KIRREL3: variants seen among roughly 807,000 people sequenced by gnomAD.
The protein encoded by KIRREL3 is kirre like nephrin family adhesion molecule 3.
In KIRREL3, 36 loss-of-function variants were observed where a neutral mutation model predicts 89.7. That is an observed-to-expected ratio of 0.40 (90% confidence interval 0.31 to 0.53). The LOEUF (loss-of-function observed/expected upper bound fraction) is 0.53. KIRREL3 is among the 20% of genes least tolerant of loss of function. KIRREL3 has a pLI of 0.49. For missense variants in KIRREL3, 864 were observed against 1,056.6 expected (o/e 0.82, Z 2.53); for synonymous variants, 445 against 441.4 (o/e 1.01, Z -0.10).
chr11:126,611,555 C>T lies in KIRREL3; in HGVS notation c.56-48643G>A, dbSNP rs922120942. Among the ~76,000 whole-genome samples the T allele has an allele frequency of 3.9e-5, 6 of 152,320 alleles. No homozygotes were observed. The highest frequency in any genetic ancestry group is 1.4e-4 in the African/African-American group (6 of 41,578). ...TGTTTTCCACTTGCTTAGTTTCCTA[C>T]TCTTCCCTTTATCCTGAGGTGTCGT... On this transcript the variant is annotated intron_variant, in intron 1 of 16. Transcript: ENST00000525144. The surrounding 1 kb of genome is among the most constrained non-coding windows in gnomAD (Gnocchi z 4.7).
chr11:126,533,845 T>C (rs1421781239), intron 2 of KIRREL3, among the ~76,000 whole-genome samples: 1 of 152,176 alleles, frequency 6.6e-6, no homozygotes, highest in Non-Finnish European at 1.5e-5. Flanking sequence ...CTGGGCCACT[T>C]GACTCCGGGG....
chr11:126,968,401 C>T (rs544870763), intron 1 of KIRREL3, among the ~76,000 whole-genome samples: 28 of 152,098 alleles, frequency 1.8e-4, no homozygotes, highest in Non-Finnish European at 3.2e-4. Context: ...TGTATCAGGA[C>T]GGAGAAGAGC....
In KIRREL3 at chr11:126,574,702, A is replaced by G. The variant is rs967117390; in HGVS notation, c.56-11790T>C. Among the ~76,000 whole-genome samples, 29 of 152,158 alleles carry G rather than the reference A, an allele frequency of 1.9e-4. No homozygotes were observed. The highest frequency in any genetic ancestry group is 3.2e-3 in the Middle Eastern group (1 of 316). ...TTACATGTGTGCACGCATTTGGAGA[A>G]AGGGAAGGAATTCCAGACTTGAGAT... On this transcript the variant is annotated intron_variant, in intron 1 of 16. Coordinates refer to ENST00000525144, the MANE Select transcript of KIRREL3 (RefSeq NM_032531.4). This position sits in a 1 kb window ranked among gnomAD's most constrained non-coding sequence, Gnocchi z 5.3.
In KIRREL3 at chr11:126,491,937, A is replaced by G. The variant is rs1957527973; in HGVS notation, c.434-18471T>C. Among the ~76,000 whole-genome samples the G allele has an allele frequency of 6.6e-6, 1 of 152,018 alleles. No homozygotes were observed. The highest frequency in any genetic ancestry group is 2.4e-5 in the African/African-American group (1 of 41,388). On this transcript the variant is annotated intron_variant, in intron 4 of 16. Transcript: ENST00000525144. This position sits in a 1 kb window ranked among gnomAD's most constrained non-coding sequence, Gnocchi z 5.5. The stretch of plus-strand genomic sequence containing the variant: ...GGCTGGTCTCGAACTCCAGACCTCA[A>G]GTGATCCTCCCGCATCAGCTTCCCA...
At chr11:126,654,671 C>T (rs1388414276) in intron 1 of KIRREL3, among the ~76,000 whole-genome samples, 1 of 152,162 alleles carries the variant, frequency 6.6e-6, no homozygotes, top group Admixed American at 6.5e-5. Context: ...CATCCTGAGC[C>T]CTCTCCACAT....
rs146725674 is a variant in KIRREL3 at position 126,988,142 on chromosome 11, C to T, written c.55+12313G>A. Among the ~76,000 whole-genome samples, 239 of 152,282 alleles carry T rather than the reference C, an allele frequency of 1.6e-3. 1 individual carries two copies. In the Middle Eastern group the frequency reaches 0.027, roughly 17 times the overall value. Reference sequence around the variant, plus strand: ...CTTCCAGCACACAGCTACCACAAGGCTCAACTCTCCCTAAGCAGAATGGGA... The same window carrying T: ...CTTCCAGCACACAGCTACCACAAGGTTCAACTCTCCCTAAGCAGAATGGGA... On this transcript the variant is annotated intron_variant, in intron 1 of 16. Transcript: ENST00000525144.
Position 127,000,332 on chromosome 11 carries a change from G to T in KIRREL3, c.55+123C>A. 1.4e-6 allele frequency: 1 copy of T among 711,220 alleles called. No individual in the cohort carries two copies. Among genetic ancestry groups the T allele is most frequent in the Non-Finnish European group, 2.3e-6 (1 of 429,764 alleles). 44.1% of individuals were successfully genotyped at this position (711,220 alleles called of 1,614,324 possible). A position where few individuals can be genotyped will look rare whatever the true frequency, so the allele number is the denominator to read the frequency against. On this transcript the variant is annotated intron_variant, in intron 1 of 16. Coordinates refer to ENST00000525144, the MANE Select transcript of KIRREL3 (RefSeq NM_032531.4). This position sits in a 1 kb window ranked among gnomAD's most constrained non-coding sequence, Gnocchi z 7.1. ...AGGCAATGCCAGAGCATCTCAGCCC[G>T]GCACCGAGAGACGCATCCATCAGTC...
In KIRREL3 at chr11:126,582,198, G is replaced by T. The variant is rs146441467; in HGVS notation, c.56-19286C>A. On this transcript the variant is annotated intron_variant, in intron 1 of 16. Coordinates refer to ENST00000525144, the MANE Select transcript of KIRREL3 (RefSeq NM_032531.4). Reference sequence around the variant, plus strand: ...GGGCTTTTGTCTTCTCATCTCTCAAGCGAGGGGCATACTCTCAACTGAGCA... The same window carrying T: ...GGGCTTTTGTCTTCTCATCTCTCAATCGAGGGGCATACTCTCAACTGAGCA... Among the ~76,000 whole-genome samples, 133 of 152,260 alleles carry T rather than the reference G, an allele frequency of 8.7e-4. 1 individual carries two copies. The highest frequency in any genetic ancestry group is 3.1e-3 in the African/African-American group (128 of 41,554).
At position 126,526,594 on chromosome 11, in the gene KIRREL3, C is replaced by A; in HGVS notation, c.227G>T (p.Gly76Val). Residue 76 changes from glycine to valine, a missense_variant, in exon 3 of 17, where the codon GGC becomes GTC. Transcript: ENST00000525144. This position sits in a 1 kb window ranked among gnomAD's most constrained non-coding sequence, Gnocchi z 5.7. Reference sequence around the variant, plus strand: ...GCCGTCCTTGATCCACAGAACGAAGCCATCGTATTCGGGGATGGCGCAAAG... The same window carrying A: ...GCCGTCCTTGATCCACAGAACGAAGACATCGTATTCGGGGATGGCGCAAAG... ...TLLCAIPEYD[G>V]FVLWIKDGLA... 1 of 1,611,640 alleles carries A rather than the reference C, an allele frequency of 6.2e-7. No homozygotes were observed. The highest frequency in any genetic ancestry group is 8.5e-7 in the Non-Finnish European group (1 of 1,179,082).
At chr11:126,673,515 G>T (rs998950464) in intron 1 of KIRREL3, among the ~76,000 whole-genome samples, 9 of 152,208 alleles carry the variant, frequency 5.9e-5, no homozygotes, top group Non-Finnish European at 1.2e-4. Context: ...GAAGGAGGAA[G>T]CTCCTAAAGG....
At chr11:126,698,376 T>C (rs1013615725) in intron 1 of KIRREL3, among the ~76,000 whole-genome samples, 1 of 152,150 alleles carries the variant, frequency 6.6e-6, no homozygotes, top group Non-Finnish European at 1.5e-5. Flanking sequence ...TTTTAAAAAG[T>C]TGTATAATCT....
rs143676602 is a variant in KIRREL3 at position 126,991,471 on chromosome 11, TTTATTA to T, written c.55+8978_55+8983del. ...AGTCCCTGCCTTTGCTTCCTTCCTTTTTATTATTATTATTATTATTATTTGTCAGAA... is the reference window on the plus strand; with the variant it reads ...AGTCCCTGCCTTTGCTTCCTTCCTTTTTATTATTATTATTATTTGTCAGAA... On this transcript the variant is annotated intron_variant, in intron 1 of 16. Transcript: ENST00000525144. This position sits in a 1 kb window ranked among gnomAD's most constrained non-coding sequence, Gnocchi z 5.8. 0.16 allele frequency among the ~76,000 whole-genome samples: 24,137 copies of T among 151,414 alleles called. 2,232 individuals carry two copies. The highest frequency in any genetic ancestry group is 0.28 in the Middle Eastern group (82 of 294).
At chr11:126,681,074 A>G (rs144065350) in intron 1 of KIRREL3, among the ~76,000 whole-genome samples, 255 of 152,332 alleles carry the variant, frequency 1.7e-3, no homozygotes, top group Non-Finnish European at 2.8e-3. Context: ...ATGAGAGTTC[A>G]TGTCAAAATG....
rs1376560144 is a variant in KIRREL3, at chr11:126,491,381, G to A, written c.434-17915C>T. The stretch of plus-strand genomic sequence containing the variant: ...TGGGTGGGGACACTTGCTCTCAGGG[G>A]GAAAGAAAGCGCCCTCTCTTCCTGC... On this transcript the variant is annotated intron_variant, in intron 4 of 16. Transcript: ENST00000525144. This position sits in a 1 kb window ranked among gnomAD's most constrained non-coding sequence, Gnocchi z 5.5. 6.6e-6 allele frequency among the ~76,000 whole-genome samples: 1 copy of A among 152,154 alleles called. No homozygotes were observed. The highest frequency in any genetic ancestry group is 1.9e-4 in the East Asian group (1 of 5,182).
At position 126,676,439 on chromosome 11, in the gene KIRREL3, G is replaced by T. The variant is rs1163701742; in HGVS notation, c.56-113527C>A. 6.6e-6 allele frequency among the ~76,000 whole-genome samples: 1 copy of T among 152,160 alleles called. No homozygotes were observed. On this transcript the variant is annotated intron_variant, in intron 1 of 16. Coordinates refer to ENST00000525144, the MANE Select transcript of KIRREL3 (RefSeq NM_032531.4). This position sits in a 1 kb window ranked among gnomAD's most constrained non-coding sequence, Gnocchi z 4.5. ...CTAGTCCCCCAGGGCCACTGGGCTG[G>T]CTCTGCAGTTGGCCACACTGAGGCT...
rs569766243 is a variant in KIRREL3, at chr11:126,977,869, T to C, written c.55+22586A>G. 3.5e-4 allele frequency among the ~76,000 whole-genome samples: 53 copies of C among 152,238 alleles called. No individual in the cohort carries two copies. The highest frequency in any genetic ancestry group is 1.3e-3 in the African/African-American group (53 of 41,546). Reference sequence around the variant, plus strand: ...GGAACTGGCTCCTGTGCCTGATGTATGGTTGATATTTTGGATCAGGAAAGA... The same window carrying C: ...GGAACTGGCTCCTGTGCCTGATGTACGGTTGATATTTTGGATCAGGAAAGA... On this transcript the variant is annotated intron_variant, in intron 1 of 16. Transcript: ENST00000525144. The surrounding 1 kb of genome is among the most constrained non-coding windows in gnomAD (Gnocchi z 4.7).
intron 2 of KIRREL3, among the ~76,000 whole-genome samples, chr11:126,554,309 T>C (rs1034613616): frequency 1.3e-5 from 2 of 152,174 alleles, no homozygotes; most frequent in Non-Finnish European, 2.9e-5. Flanking sequence ...GGAAATTCTC[T>C]AGTCCGAAGT....
Position 126,883,190 on chromosome 11 carries a change from C to CTGCCA in KIRREL3, c.55+117264_55+117265insTGGCA, listed in dbSNP as rs750544910. On this transcript the variant is annotated intron_variant, in intron 1 of 16. Transcript: ENST00000525144. The surrounding 1 kb of genome is among the most constrained non-coding windows in gnomAD (Gnocchi z 4.1). ...GGAGCCTAACTCCTTGGCAGCTGAG[C>CTGCCA]AGGAGACAGGAGGATCATCATCTGC... Among the ~76,000 whole-genome samples the CTGCCA allele has an allele frequency of 3.2e-3, 481 of 152,238 alleles. 1 individual carries two copies. The highest frequency in any genetic ancestry group is 5.6e-3 in the Non-Finnish European group (384 of 68,016).
chr11:126,499,900 C>A (rs1293995244), intron 4 of KIRREL3, among the ~76,000 whole-genome samples: 1 of 152,116 alleles, frequency 6.6e-6, no homozygotes, highest in Admixed American at 6.6e-5. Flanking sequence ...TATGTCTTCT[C>A]CCTCCTTTGG....
Sources: allele counts gnomAD v4.1 joint callset (sites outside exome capture counted in the v4.1 genomes callset), GRCh38; gene constraint gnomAD v4.1.1; non-coding constraint Gnocchi (gnomAD v3.1); transcripts MANE v1.5; gene names NCBI Gene and HGNC (gene_info 2026-07-23, HGNC 2026-07-21).